The following VCL variants were observed in gnomAD, a reference collection of about 807,000 sequenced individuals.
VCL encodes epididymis luminal protein 114.
VCL carries 47 observed loss-of-function variants against 125.7 expected under a neutral mutation model. The ratio of observed to expected loss-of-function variants is 0.37; its 90% CI spans 0.30 to 0.48. The LOEUF (loss-of-function observed/expected upper bound fraction) is 0.48. Ranked by LOEUF, VCL falls within the 20% of genes least tolerant of loss-of-function variation. The pLI is 0.99. For synonymous variants in VCL, 458 were observed against 514.6 expected, an observed-to-expected ratio of 0.89 and a Z score of 1.49; for missense variants, 1,069 against 1,455.5, an observed-to-expected ratio of 0.73 and a Z score of 4.32.
chr10:74,034,322 C>T (rs1279719037), intron 1 of VCL, among the ~76,000 whole-genome samples: 1 of 152,184 alleles, frequency 6.6e-6, no homozygotes. Flanking sequence ...CATCTCCTCT[C>T]TACCCAGTAC....
intron 8 of VCL, among the ~76,000 whole-genome samples, chr10:74,084,239 G>A (rs1335836181): frequency 1.3e-5 from 2 of 152,056 alleles, no homozygotes; most frequent in Non-Finnish European, 2.9e-5. Flanking sequence ...GGGATTACAG[G>A]TGTGAGCCAC....
chr10:74,046,972 C>A (rs766073324), intron 2 of VCL, among the ~76,000 whole-genome samples: 4 of 152,194 alleles, frequency 2.6e-5, no homozygotes, highest in Non-Finnish European at 5.9e-5. Flanking sequence ...TTACTGATCA[C>A]CCTGTGTGGT....
Position 74,103,855 on chromosome 10 carries a change from T to C in VCL, c.2058T>C (p.Pro686=), listed in dbSNP as rs1258154994. 6.2e-7 allele frequency: 1 copy of C among 1,614,058 alleles called. No individual in the cohort carries two copies. Among genetic ancestry groups the C allele is most frequent in the Non-Finnish European group, 8.5e-7 (1 of 1,180,020 alleles). The change falls in exon 15 of 22, where the codon CCT becomes CCC. Residue 686 remains proline, a synonymous_variant. Coordinates refer to ENST00000211998, the MANE Select transcript of VCL (RefSeq NM_014000.3). ...VSAARILLRN[P]GNQAAYEHFE... is the part of the protein sequence containing the mutation. ...CTGCTCGTATCTTACTTAGGAACCC[T>C]GGAAATCAAGCTGCTTATGAACATT...
intron 2 of VCL, among the ~76,000 whole-genome samples, chr10:74,067,499 A>G (rs1381818977): frequency 6.6e-6 from 1 of 152,208 alleles, no homozygotes; most frequent in African/African-American, 2.4e-5. Flanking sequence ...GAATTACTAT[A>G]TAAACTAGCA....
chr10:74,085,449 CTT>C (rs1839754685), intron 8 of VCL, among the ~76,000 whole-genome samples: 1 of 152,088 alleles, frequency 6.6e-6, no homozygotes, highest in Non-Finnish European at 1.5e-5. Flanking sequence ...AATTTCTGGG[CTT>C]TTTTGAGTTT....
At chr10:74,080,382 TG>T (rs1343531042) in intron 6 of VCL, among the ~76,000 whole-genome samples, 4 of 152,168 alleles carry the variant, frequency 2.6e-5, no homozygotes, top group Non-Finnish European at 5.9e-5. Flanking sequence ...AAATTAGGTT[TG>T]TAGGAGTCAG....
intron 1 of VCL, among the ~76,000 whole-genome samples, chr10:74,019,618 A>G (rs1009443045): frequency 6.6e-6 from 1 of 152,330 alleles, no homozygotes; most frequent in Admixed American, 6.5e-5. Flanking sequence ...AGATAGAGAA[A>G]AGACACATCT....
intron 18 of VCL, among the ~76,000 whole-genome samples, chr10:74,109,988 C>T (rs995165112): frequency 2.6e-5 from 4 of 152,088 alleles, no homozygotes; most frequent in African/African-American, 4.8e-5. Context: ...GCTCTTGTGT[C>T]GATTGTATTT....
rs144683137 is a variant in VCL, at chr10:74,074,745, A to T, written c.625A>T (p.Met209Leu). Residue 209 changes from methionine (M) to leucine (L), a missense_variant and splice_region_variant, in exon 6 of 22, where the codon ATG becomes TTG. Met to Leu is a conservative substitution (Grantham distance 15). Coordinates refer to ENST00000211998, the MANE Select transcript of VCL (RefSeq NM_014000.3). ...KELLPVLISA[M>L]KIFVTTKNSK... ...TTTCTGATCTTTTATTTTTACAGCT[A>T]TGAAGATTTTTGTAACAACTAAAAA... 1.9e-5 allele frequency: 30 copies of T among 1,613,126 alleles called. No homozygotes were observed. The East Asian group carries it at 6.0e-4, about 32-fold the overall frequency.
intron 1 of VCL, among the ~76,000 whole-genome samples, chr10:74,032,586 G>A (rs1433874210): frequency 6.6e-6 from 1 of 151,868 alleles, no homozygotes; most frequent in Non-Finnish European, 1.5e-5. Context: ...TGTAGTCCCA[G>A]CTACTTGGGA....
chr10:74,074,657 A>G (rs190317826), intron 5 of VCL, 86 bp from the exon 6 acceptor site: 1 of 1,508,998 alleles, frequency 6.6e-7, no homozygotes, highest in Non-Finnish European at 9.0e-7. Flanking sequence ...AGCCCAAAAC[A>G]TCTAAAGTGT....
chr10:74,045,310 T>TAA (rs2136250509), intron 2 of VCL, among the ~76,000 whole-genome samples: 1 of 124,210 alleles, frequency 8.1e-6, no homozygotes, highest in South Asian at 2.5e-4. Flanking sequence ...TAGATAGATA[T>TAA]GTAGGTTCCA....
At position 74,083,370 on chromosome 10, in the gene VCL, T is replaced by A; in HGVS notation, c.879T>A (p.Asp293Glu). ...TTGAATATCTCTTTATTTTAGGGGA[T>A]GCTGGTGAGCAGGCCATCAGACAGA... ...WLRDPSASPG[D>E]AGEQAIRQIL... Residue 293 changes from aspartate to glutamate, a missense_variant, in exon 8 of 22, where the codon GAT becomes GAA. By Grantham distance (45) the Asp-to-Glu change is conservative (BLOSUM62 2). Transcript: ENST00000211998. 6.2e-7 allele frequency: 1 copy of A among 1,614,130 alleles called. No individual in the cohort carries two copies. Among genetic ancestry groups the A allele is most frequent in the Non-Finnish European group, 8.5e-7 (1 of 1,179,960 alleles).
chr10:74,046,947 A>C (rs1041505947), intron 2 of VCL, among the ~76,000 whole-genome samples: 1 of 152,228 alleles, frequency 6.6e-6, no homozygotes, highest in Non-Finnish European at 1.5e-5. Context: ...GGTCACTTTA[A>C]AACAAAATAA....
intron 1 of VCL, among the ~76,000 whole-genome samples, chr10:74,000,259 C>CTTTTTTTTTTTTTTT: frequency 8.7e-6 from 1 of 114,828 alleles, no homozygotes; most frequent in Non-Finnish European, 1.7e-5. Context: ...TTGTATTTTG[C>CTTTTTTTTTTTTTTT]TTTTTTTTTT....
intron 2 of VCL, among the ~76,000 whole-genome samples, chr10:74,059,601 T>G (rs1260131079): frequency 6.6e-6 from 1 of 152,074 alleles, no homozygotes; most frequent in East Asian, 1.9e-4. Flanking sequence ...GAGATGGGGT[T>G]TCACCATGTT....
intron 6 of VCL, chr10:74,075,150 T>C: frequency 2.0e-6 from 1 of 499,108 alleles, no homozygotes; most frequent in East Asian, 3.7e-5. Flanking sequence ...CTGAGATTTA[T>C]AGCTTTTCCA....
intron 1 of VCL, among the ~76,000 whole-genome samples, chr10:74,037,630 G>A (rs375303825): frequency 2.0e-4 from 30 of 152,170 alleles, no homozygotes; most frequent in Admixed American, 5.2e-4. Flanking sequence ...CCACACCAGC[G>A]TGTCTTTCTA....
intron 6 of VCL, chr10:74,077,331 G>A (rs997813357): frequency 1.3e-5 from 2 of 152,708 alleles, no homozygotes; most frequent in Non-Finnish European, 2.9e-5. Context: ...TTACATTTAT[G>A]TGGTTCAAAT....
Sources: gnomAD v4.1 joint callset for allele counts (sites outside exome capture counted in the v4.1 genomes callset) on GRCh38, gnomAD v4.1.1 for gene constraint, MANE v1.5 for transcripts, NCBI Gene and HGNC (gene_info 2026-07-23, HGNC 2026-07-21) for gene names.